Variants in TPTE observed in about 807,000 individuals in gnomAD.
TPTE encodes putative tyrosine-protein phosphatase TPTE.
A neutral mutation model predicts 84.1 loss-of-function variants in TPTE; 59 were observed. The observed-to-expected ratio is 0.70, with a 90% CI of 0.57 to 0.87. The LOEUF (loss-of-function observed/expected upper bound fraction) is 0.87, where lower values mean the gene tolerates loss of function less well. Among genes scored for constraint, TPTE ranks in the 40% least tolerant of loss-of-function variants. The probability of loss-of-function intolerance (pLI) is 0.00; values close to 1 mark genes in which losing one functional copy is unlikely to be tolerated. For missense variants in TPTE, 382 were observed against 659.6 expected, an observed-to-expected ratio of 0.58 and a Z score of 4.61; for synonymous variants, 130 against 223.5, an observed-to-expected ratio of 0.58 and a Z score of 3.73.
At chr21:10,557,622 C>T (rs1370363686) in intron 8 of TPTE, among the ~76,000 whole-genome samples, 1 of 152,308 alleles carries the variant, frequency 6.6e-6, no homozygotes, top group African/African-American at 2.4e-5. Context: ...CTACATCAGC[C>T]TTAACTCTCC....
At chr21:10,538,007 T>G (rs2074298979) in intron 3 of TPTE, among the ~76,000 whole-genome samples, 2 of 152,312 alleles carry the variant, frequency 1.3e-5, no homozygotes, top group African/African-American at 2.4e-5. Context: ...CTAGTCTGTT[T>G]GATACTCTTG....
intron 3 of TPTE, among the ~76,000 whole-genome samples, chr21:10,537,331 G>A (rs1454153450): frequency 1.3e-5 from 2 of 152,310 alleles, no homozygotes; most frequent in Non-Finnish European, 2.9e-5. Flanking sequence ...GCACTGCCAA[G>A]TCTAAATTCA....
chr21:10,546,132 A>G (rs1461185909), intron 7 of TPTE, among the ~76,000 whole-genome samples: 2 of 152,308 alleles, frequency 1.3e-5, no homozygotes, highest in African/African-American at 4.8e-5. Flanking sequence ...TATTTTTCCA[A>G]CAGCGTGTTC....
chr21:10,548,450 C>T (rs373938136), intron 7 of TPTE, among the ~76,000 whole-genome samples: 490 of 152,100 alleles, frequency 3.2e-3, no homozygotes, highest in African/African-American at 0.011. Flanking sequence ...TGCCCTTAGG[C>T]CAGCCGAGCA....
intron 1 of TPTE, among the ~76,000 whole-genome samples, chr21:10,524,148 G>A (rs1468622434): frequency 1.3e-5 from 2 of 152,310 alleles, no homozygotes; most frequent in African/African-American, 4.8e-5. Context: ...AGGAGGTAAA[G>A]ACCTAGAGGT....
intron 17 of TPTE, among the ~76,000 whole-genome samples, chr21:10,582,267 A>G (rs1417798055): frequency 1.3e-5 from 2 of 152,300 alleles, no homozygotes; most frequent in African/African-American, 4.8e-5. Context: ...AACACCATCA[A>G]TTGCGTGCTG....
At chr21:10,540,692 C>T in intron 4 of TPTE, 1 of 519,346 alleles carries the variant, frequency 1.9e-6, no homozygotes, top group South Asian at 1.4e-5. Context: ...CTTGAGGCCT[C>T]CAGCTACTTG....
chr21:10,563,110 G>T (rs1221629055), intron 10 of TPTE, among the ~76,000 whole-genome samples: 1 of 152,308 alleles, frequency 6.6e-6, no homozygotes, highest in East Asian at 1.9e-4. Flanking sequence ...ATGACATATT[G>T]AAAGTGCTGA....
chr21:10,569,764 G>T lies in TPTE; in HGVS notation c.730+18G>T, dbSNP rs772699106. ...CGTTACAGGTTTGTGACACTTAACC[G>T]TTGATTTACTTGTATTACTTCACTT... On this transcript the variant is annotated intron_variant, in intron 13 of 23. Coordinates refer to ENST00000618007, the MANE Select transcript of TPTE (RefSeq NM_199261.4). The T allele has an allele frequency of 1.2e-6, 2 of 1,613,940 alleles. No homozygotes were observed. The highest frequency in any genetic ancestry group is 1.7e-6 in the Non-Finnish European group (2 of 1,179,844).
chr21:10,562,088 C>T (rs1299907509), intron 10 of TPTE, among the ~76,000 whole-genome samples: 2 of 152,310 alleles, frequency 1.3e-5, no homozygotes, highest in African/African-American at 2.4e-5. Context: ...AAACAAGAGT[C>T]TCTTTTTGGT....
chr21:10,533,990 C>G (rs1312301167), intron 3 of TPTE, among the ~76,000 whole-genome samples: 1 of 152,312 alleles, frequency 6.6e-6, no homozygotes, highest in African/African-American at 2.4e-5. Context: ...GATGTTTTGT[C>G]TTATTTGAAT....
chr21:10,544,585 T>C (rs1406187347), intron 7 of TPTE, among the ~76,000 whole-genome samples: 2 of 152,300 alleles, frequency 1.3e-5, no homozygotes, highest in African/African-American at 2.4e-5. Context: ...GGGGTTTCAC[T>C]ATATTGGCCA....
At chr21:10,540,040 AC>A (rs1555886663) in intron 4 of TPTE, among the ~76,000 whole-genome samples, 2 of 47,864 alleles carry the variant, frequency 4.2e-5, no homozygotes, top group African/African-American at 5.1e-5. Flanking sequence ...ACAAACAAAA[AC>A]AAAAAACCAA....
At chr21:10,580,861 TGGG>T (rs1274499190) in intron 17 of TPTE, among the ~76,000 whole-genome samples, 1 of 152,298 alleles carries the variant, frequency 6.6e-6, no homozygotes, top group Non-Finnish European at 1.5e-5. Context: ...GGGGTGAAAA[TGGG>T]GGAAAAAAGC....
chr21:10,566,926 G>T (rs59736382), intron 10 of TPTE, among the ~76,000 whole-genome samples: 1 of 150,640 alleles, frequency 6.6e-6, no homozygotes, highest in South Asian at 2.1e-4. Context: ...GCAGTGAGCC[G>T]AGATCACGCC....
At chr21:10,544,298 T>C (rs1246821382) in intron 7 of TPTE, among the ~76,000 whole-genome samples, 1 of 152,428 alleles carries the variant, frequency 6.6e-6, no homozygotes, top group African/African-American at 2.4e-5. Flanking sequence ...GTTTTGTATG[T>C]AGTATTGATT....
At chr21:10,526,112 T>C (rs1484497056) in intron 2 of TPTE, among the ~76,000 whole-genome samples, 1 of 152,306 alleles carries the variant, frequency 6.6e-6, no homozygotes, top group African/African-American at 2.4e-5. Flanking sequence ...TTCATCCTGC[T>C]GAAAAGTAGC....
intron 4 of TPTE, among the ~76,000 whole-genome samples, chr21:10,540,355 A>G (rs1346663588): frequency 2.0e-5 from 3 of 152,308 alleles, no homozygotes; most frequent in Non-Finnish European, 4.4e-5. Context: ...GTCCTCTCAG[A>G]ATGAGCTTTG....
intron 23 of TPTE, among the ~76,000 whole-genome samples, chr21:10,605,202 G>A (rs1979130053): frequency 6.6e-6 from 1 of 152,428 alleles, no homozygotes; most frequent in South Asian, 2.1e-4. Flanking sequence ...TGCTAAGAGA[G>A]TCAGCATGTG....
Sources: allele counts gnomAD v4.1 joint callset (sites outside exome capture counted in the v4.1 genomes callset), GRCh38; gene constraint gnomAD v4.1.1; transcripts MANE v1.5; gene names NCBI Gene and HGNC (gene_info 2026-07-23, HGNC 2026-07-21).